Variants in TRIM61 observed in about 807,000 individuals in gnomAD.
TRIM61 encodes the protein tripartite motif containing 61.
Under a neutral mutation model 14.2 loss-of-function variants are expected in TRIM61, and 1 was observed. The observed-to-expected ratio is 0.07, with a 90% CI of 0.03 to 0.33. The LOEUF (loss-of-function observed/expected upper bound fraction) is 0.33, where lower values mean the gene tolerates loss of function less well. Among genes scored for constraint, TRIM61 ranks in the 10% least tolerant of loss-of-function variants. TRIM61 has a pLI of 0.99. For synonymous variants in TRIM61, 8 were observed against 71.6 expected (o/e 0.11, Z 4.49); for missense variants, 19 against 202.2 (o/e 0.09, Z 5.49).
At chr4:164,971,062 C>T (rs926198361) in intron 2 of TRIM61, among the ~76,000 whole-genome samples, 2 of 152,094 alleles carry the variant, frequency 1.3e-5, no homozygotes, top group South Asian at 2.1e-4. Flanking sequence ...GATTGCAGCA[C>T]GGCACTCCAG....
chr4:164,971,253 T>C lies in TRIM61; in HGVS notation c.-337-914A>G, dbSNP rs1307986349. On this transcript the variant is annotated intron_variant, in intron 2 of 4. Transcript: ENST00000329314. ...GTTAGGAGATATATCTATATACTGA[T>C]GCACAGCGGGAAGCCATCTGAAACT... 3.3e-5 allele frequency among the ~76,000 whole-genome samples: 5 copies of C among 152,272 alleles called. No individual in the cohort carries two copies. The East Asian group carries it at 7.7e-4, about 23-fold the overall frequency.
At chr4:164,956,326 A>G (rs1421460139) in intron 3 of TRIM61, among the ~76,000 whole-genome samples, 2 of 152,212 alleles carry the variant, frequency 1.3e-5, no homozygotes, top group Non-Finnish European at 2.9e-5. Flanking sequence ...TCAGCCTACC[A>G]AAGTGCTGGG....
chr4:164,973,365 T>A (rs929569329), intron 2 of TRIM61, among the ~76,000 whole-genome samples: 2 of 152,230 alleles, frequency 1.3e-5, no homozygotes, highest in Non-Finnish European at 2.9e-5. Context: ...TTCTTTACAC[T>A]CGCACGGCAT....
At chr4:164,970,663 T>C (rs993271879) in intron 2 of TRIM61, among the ~76,000 whole-genome samples, 4 of 152,040 alleles carry the variant, frequency 2.6e-5, no homozygotes, top group Non-Finnish European at 5.9e-5. Context: ...GTATGCATTC[T>C]TCAAAAATGT....
At chr4:164,957,296 T>G in intron 3 of TRIM61, 1 of 1,614,146 alleles carries the variant, frequency 6.2e-7, no homozygotes, top group Non-Finnish European at 8.5e-7. Context: ...TGTCAGCCGC[T>G]CATGGTGCCC....
intron 2 of TRIM61, among the ~76,000 whole-genome samples, chr4:164,972,934 A>G (rs1732400976): frequency 6.6e-6 from 1 of 152,182 alleles, no homozygotes; most frequent in South Asian, 2.1e-4. Flanking sequence ...GCCATTCAGA[A>G]CCCTTCGTAT....
chr4:164,956,999 G>T lies in TRIM61; in HGVS notation c.526-1903C>A, dbSNP rs1014751023. ...AGGTGTGGCGCGACGTTGGAGACCGGGGCAGCGCCATGTACCACAGTGGAT... is the reference window on the plus strand; with the variant it reads ...AGGTGTGGCGCGACGTTGGAGACCGTGGCAGCGCCATGTACCACAGTGGAT... On this transcript the variant is annotated intron_variant, in intron 3 of 4. Transcript: ENST00000329314. 3.4e-6 allele frequency: 5 copies of T among 1,468,900 alleles called. No homozygotes were observed. The African/African-American group carries it at 4.3e-5, about 12-fold the overall frequency. 91.0% of individuals were successfully genotyped at this position (1,468,900 alleles called of 1,614,324 possible).
intron 3 of TRIM61, among the ~76,000 whole-genome samples, chr4:164,966,983 C>T (rs1017256357): frequency 2.0e-5 from 3 of 151,960 alleles, no homozygotes; most frequent in Non-Finnish European, 4.4e-5. Context: ...GGAAGAGATA[C>T]AGATGTCTTT....
chr4:164,961,153 CAAAAAAAAAAAAAAAAAAAAAAAAA>C (rs762554625), intron 3 of TRIM61, among the ~76,000 whole-genome samples: 20 of 31,722 alleles, frequency 6.3e-4, no homozygotes, highest in African/African-American at 1.4e-3. Context: ...AACTCTCAGG[CAAAAAAAAAAAAAAAAAAAAAAAAA>C]AAAAAAAAAA....
rs185441865 is a variant in TRIM61, at chr4:164,966,095, G to A, written c.525+3383C>T. On this transcript the variant is annotated intron_variant, in intron 3 of 4. Coordinates refer to ENST00000329314, the MANE Select transcript of TRIM61 (RefSeq NM_001012414.3). ...TGTGTTGCAGATGAGAAGGCTCCTTGAGAGTATTCTGCAAGATGAAAATGG... is the reference window on the plus strand; with the variant it reads ...TGTGTTGCAGATGAGAAGGCTCCTTAAGAGTATTCTGCAAGATGAAAATGG... Among the ~76,000 whole-genome samples the A allele has an allele frequency of 4.6e-5, 7 of 152,204 alleles. No homozygotes were observed. In the South Asian group the frequency reaches 1.2e-3, roughly 27 times the overall value.
chr4:164,957,247 C>T, intron 3 of TRIM61: 1 of 1,614,098 alleles, frequency 6.2e-7, no homozygotes, highest in Non-Finnish European at 8.5e-7. Context: ...GGTCGCTCCA[C>T]CAATCCTGGG....
intron 2 of TRIM61, among the ~76,000 whole-genome samples, chr4:164,975,098 TG>T (rs1246742907): frequency 6.6e-6 from 1 of 151,942 alleles, no homozygotes; most frequent in Non-Finnish European, 1.5e-5. Flanking sequence ...CCGGGCATGG[TG>T]GCGCGCCTGT....
chr4:164,966,594 A>C lies in TRIM61; in HGVS notation c.525+2884T>G, dbSNP rs576750761. The stretch of plus-strand genomic sequence containing the variant: ...AAATAAATCTTGTGAACAATAACTC[A>C]AACATTAAACCTAGATTTTTAAAAA... On this transcript the variant is annotated intron_variant, in intron 3 of 4. Transcript: ENST00000329314. 2.6e-5 allele frequency among the ~76,000 whole-genome samples: 4 copies of C among 152,346 alleles called. No homozygotes were observed. In the East Asian group the frequency reaches 5.8e-4, roughly 22 times the overall value.
Position 164,957,255 on chromosome 4 carries a change from G to A in TRIM61, c.526-2159C>T, listed in dbSNP as rs1003274825. 4 of 1,614,008 alleles carry A rather than the reference G, an allele frequency of 2.5e-6. No individual in the cohort carries two copies. The African/African-American group carries it at 4.0e-5, about 16-fold the overall frequency. ...CAACAGCGGTCGCTCCACCAATCCT[G>A]GGAGAAGCGAATCGTTTTCTCCGCG... is the stretch of plus-strand genomic sequence containing the variant. On this transcript the variant is annotated intron_variant, in intron 3 of 4. Coordinates refer to ENST00000329314, the MANE Select transcript of TRIM61 (RefSeq NM_001012414.3).
intron 2 of TRIM61, among the ~76,000 whole-genome samples, chr4:164,971,761 C>G (rs1018414414): frequency 6.6e-6 from 1 of 152,132 alleles, no homozygotes; most frequent in African/African-American, 2.4e-5. Context: ...GCTTTCAAGA[C>G]ACCCACAGGT....
At chr4:164,975,793 C>T (rs960376065) in intron 2 of TRIM61, among the ~76,000 whole-genome samples, 6 of 151,318 alleles carry the variant, frequency 4.0e-5, no homozygotes, top group Admixed American at 1.3e-4. Context: ...CTGTCCCCAG[C>T]CTGACACCCG....
At chr4:164,958,406 A>G (rs1732062120) in intron 3 of TRIM61, 1 of 167,044 alleles carries the variant, frequency 6.0e-6, no homozygotes, top group Admixed American at 6.5e-5. Context: ...TTATGAAACT[A>G]CTTAGGCTGT....
chr4:164,957,584 AC>A (rs1331248510), intron 3 of TRIM61: 11 of 1,336,610 alleles, frequency 8.2e-6, no homozygotes, highest in Non-Finnish European at 1.1e-5. Flanking sequence ...CCAAAACTAA[AC>A]CAATCGTTAT....
At chr4:164,974,149 A>AACAG (rs746354343) in intron 2 of TRIM61, among the ~76,000 whole-genome samples, 2 of 152,224 alleles carry the variant, frequency 1.3e-5, no homozygotes, top group Non-Finnish European at 2.9e-5. Flanking sequence ...CAGCCTGAGC[A>AACAG]ACAGAGCAAG....
Sources: allele counts gnomAD v4.1 joint callset (sites outside exome capture counted in the v4.1 genomes callset), GRCh38; gene constraint gnomAD v4.1.1; transcripts MANE v1.5; gene names NCBI Gene and HGNC (gene_info 2026-07-23, HGNC 2026-07-21).